Variants in PRKD1 observed in about 807,000 individuals in gnomAD.
PRKD1 encodes the protein serine/threonine-protein kinase D1.
PRKD1 carries 63 observed loss-of-function variants against 95.9 expected under a neutral mutation model. The ratio of observed to expected loss-of-function variants is 0.66; its 90% CI spans 0.54 to 0.81. The LOEUF (loss-of-function observed/expected upper bound fraction) is 0.81, where lower values mean the gene tolerates loss of function less well. Among genes scored for constraint, PRKD1 ranks in the 30% least tolerant of loss-of-function variants. PRKD1 has a pLI of 0.00. For missense variants in PRKD1, 1,048 were observed against 1,165.3 expected (o/e 0.90, Z 1.47); for synonymous variants, 425 against 423.1 (o/e 1.00, Z -0.05).
At chr14:29,768,058 A>T (rs943071308) in intron 1 of PRKD1, among the ~76,000 whole-genome samples, 14 of 152,224 alleles carry the variant, frequency 9.2e-5, no homozygotes, top group African/African-American at 3.1e-4. Flanking sequence ...AATCATTGAT[A>T]AACTTCTGAA....
At chr14:29,657,358 T>A (rs1205613148) in intron 4 of PRKD1, 5 of 152,248 alleles carry the variant, frequency 3.3e-5, no homozygotes, top group African/African-American at 1.2e-4. Flanking sequence ...TATAGTTCAC[T>A]CTTTTTCTTA....
intron 1 of PRKD1, among the ~76,000 whole-genome samples, chr14:29,863,684 A>T (rs1892785201): frequency 1.3e-5 from 2 of 152,164 alleles, no homozygotes; most frequent in Non-Finnish European, 2.9e-5. Context: ...AAAATTAACC[A>T]AAGTACATGA....
At chr14:29,609,550 T>A (rs61980482) in intron 13 of PRKD1, among the ~76,000 whole-genome samples, 1 of 122,998 alleles carries the variant, frequency 8.1e-6, no homozygotes, top group African/African-American at 2.9e-5. Flanking sequence ...ATATATATTT[T>A]AATTTTTTGA....
rs550469595 is a variant in PRKD1, at chr14:29,831,546, G to A, written c.264+95703C>T. ...TGCAATGGCCCAATCTCGGTTCACC[G>A]CAACCTCCATCTCCCAGGTTCAAGC... On this transcript the variant is annotated intron_variant, in intron 1 of 17. Coordinates refer to ENST00000331968, the MANE Select transcript of PRKD1 (RefSeq NM_002742.3). Among the ~76,000 whole-genome samples the A allele has an allele frequency of 9.4e-5, 14 of 148,350 alleles. No individual in the cohort carries two copies. In the East Asian group the frequency reaches 2.7e-3, roughly 28 times the overall value.
chr14:29,706,748 T>G (rs971700612), intron 2 of PRKD1, among the ~76,000 whole-genome samples: 1 of 152,152 alleles, frequency 6.6e-6, no homozygotes, highest in African/African-American at 2.4e-5. Flanking sequence ...GGTCCCTTCT[T>G]TCACAGAGTA....
chr14:29,810,190 A>G (rs1890421803), intron 1 of PRKD1, among the ~76,000 whole-genome samples: 1 of 152,194 alleles, frequency 6.6e-6, no homozygotes, highest in Non-Finnish European at 1.5e-5. Context: ...AATATAATAA[A>G]AGTTTGAAAA....
At chr14:29,790,056 G>T (rs1889468360) in intron 1 of PRKD1, among the ~76,000 whole-genome samples, 1 of 133,786 alleles carries the variant, frequency 7.5e-6, no homozygotes. Context: ...TCTGTCGCCA[G>T]GCTGGAGTGC....
chr14:29,714,351 T>A (rs1357224824), intron 2 of PRKD1, among the ~76,000 whole-genome samples: 1 of 152,060 alleles, frequency 6.6e-6, no homozygotes, highest in Non-Finnish European at 1.5e-5. Context: ...CCAACAAACA[T>A]GAAAAATGCT....
At chr14:29,827,972 C>T (rs1891262902) in intron 1 of PRKD1, among the ~76,000 whole-genome samples, 1 of 151,910 alleles carries the variant, frequency 6.6e-6, no homozygotes, top group Admixed American at 6.6e-5. Context: ...TTTCCTTGGC[C>T]TCCTTTTGTT....
rs772812724 is a variant in PRKD1 at position 29,636,511 on chromosome 14, A to T, written c.986-17T>A. The T allele has an allele frequency of 5.0e-6, 8 of 1,613,510 alleles. No individual in the cohort carries two copies. Among genetic ancestry groups the T allele is most frequent in the Non-Finnish European group, 6.8e-6 (8 of 1,179,658 alleles). On this transcript the variant is annotated splice_polypyrimidine_tract_variant and intron_variant, in intron 6 of 17. Coordinates refer to ENST00000331968, the MANE Select transcript of PRKD1 (RefSeq NM_002742.3). Reference sequence around the variant, plus strand: ...TAAGCAAATCTAGAAAATTATTTTCACCCATGAAGATAAGCCTGGAATCTT... The same window carrying T: ...TAAGCAAATCTAGAAAATTATTTTCTCCCATGAAGATAAGCCTGGAATCTT...
chr14:29,601,099 C>T lies in PRKD1; in HGVS notation c.1906-1282G>A, dbSNP rs187312585. Among the ~76,000 whole-genome samples, 45 of 152,160 alleles carry T rather than the reference C, an allele frequency of 3.0e-4. 1 individual carries two copies. In the South Asian group the frequency reaches 8.7e-3, roughly 29 times the overall value. On this transcript the variant is annotated intron_variant, in intron 13 of 17. Coordinates refer to ENST00000331968, the MANE Select transcript of PRKD1 (RefSeq NM_002742.3). ...AAAAAATCTCAGTGATAAAATTGTA[C>T]GTAAAATGAAATTTAAAACCTCAAA...
At chr14:29,849,454 A>G (rs932850045) in intron 1 of PRKD1, among the ~76,000 whole-genome samples, 5 of 152,164 alleles carry the variant, frequency 3.3e-5, no homozygotes, top group African/African-American at 1.2e-4. Context: ...AAACTAGAAA[A>G]TCCAGATAAA....
intron 4 of PRKD1, among the ~76,000 whole-genome samples, chr14:29,651,790 CT>C (rs1220066250): frequency 6.6e-6 from 1 of 151,796 alleles, no homozygotes; most frequent in Non-Finnish European, 1.5e-5. Flanking sequence ...GTTGTGCAGT[CT>C]AGAGTGCAAT....
chr14:29,658,817 A>G (rs1289719729), intron 4 of PRKD1, among the ~76,000 whole-genome samples: 1 of 152,250 alleles, frequency 6.6e-6, no homozygotes, highest in Non-Finnish European at 1.5e-5. Context: ...TAGCACCCAA[A>G]GAATTTATTT....
chr14:29,639,747 T>C (rs944012697), intron 4 of PRKD1, among the ~76,000 whole-genome samples: 1 of 152,076 alleles, frequency 6.6e-6, no homozygotes, highest in African/African-American at 2.4e-5. Context: ...TCCTCAGCCA[T>C]ACAATAAAAG....
At chr14:29,771,463 A>T (rs1245673244) in intron 1 of PRKD1, among the ~76,000 whole-genome samples, 1 of 152,086 alleles carries the variant, frequency 6.6e-6, no homozygotes, top group East Asian at 1.9e-4. Flanking sequence ...CTGCTCTTCC[A>T]GTTAGCACAG....
intron 1 of PRKD1, among the ~76,000 whole-genome samples, chr14:29,757,852 T>TA (rs1025899228): frequency 6.6e-6 from 1 of 151,726 alleles, no homozygotes; most frequent in African/African-American, 2.4e-5. Context: ...CCAGTAGGGA[T>TA]AAAGGGAATG....
At chr14:29,641,108 A>G (rs1880729758) in intron 4 of PRKD1, among the ~76,000 whole-genome samples, 1 of 152,234 alleles carries the variant, frequency 6.6e-6, no homozygotes, top group Non-Finnish European at 1.5e-5. Flanking sequence ...GGAAAAAGAA[A>G]TTAGCTGTCA....
chr14:29,695,382 T>C (rs1354335429), intron 2 of PRKD1, among the ~76,000 whole-genome samples: 2 of 152,180 alleles, frequency 1.3e-5, no homozygotes, highest in Admixed American at 1.3e-4. Flanking sequence ...ATGTGCTTGA[T>C]GGCAAGGGCA....
Sources: allele counts gnomAD v4.1 joint callset (sites outside exome capture counted in the v4.1 genomes callset), GRCh38; gene constraint gnomAD v4.1.1; transcripts MANE v1.5; gene names NCBI Gene and HGNC (gene_info 2026-07-23, HGNC 2026-07-21).